SYN2: variants seen among roughly 807,000 people sequenced by gnomAD.
SYN2 encodes synapsin-2.
Under a neutral mutation model 50.9 loss-of-function variants are expected in SYN2, and 19 were observed. The ratio of observed to expected loss-of-function variants is 0.37; its 90% CI spans 0.26 to 0.55. The LOEUF is 0.55. SYN2 is among the 20% of genes least tolerant of loss of function. SYN2 has a pLI of 0.81. For synonymous variants in SYN2, 255 were observed against 224.9 expected, an observed-to-expected ratio of 1.13 and a Z score of -1.20; for missense variants, 587 against 576.4, an observed-to-expected ratio of 1.02 and a Z score of -0.19.
chr3:12,112,825 T>A (rs1345969443), intron 1 of SYN2, among the ~76,000 whole-genome samples: 1 of 152,104 alleles, frequency 6.6e-6, no homozygotes, highest in Non-Finnish European at 1.5e-5. Context: ...TTAAAAAAAA[T>A]AAATACCCCA....
chr3:12,149,118 C>T (rs889173977), intron 4 of SYN2, among the ~76,000 whole-genome samples: 3 of 152,166 alleles, frequency 2.0e-5, no homozygotes, highest in African/African-American at 7.2e-5. Context: ...ATTGTGTTGG[C>T]TGTCCCAGGG....
At chr3:12,189,813 AAAAC>A (rs1479342124) in intron 12 of SYN2, among the ~76,000 whole-genome samples, 152 of 152,294 alleles carry the variant, frequency 1.0e-3, no homozygotes, top group African/African-American at 3.4e-3. Context: ...AAAACAAAAC[AAAAC>A]AAACAAAAAG....
intron 1 of SYN2, among the ~76,000 whole-genome samples, chr3:12,086,886 A>T (rs1695712545): frequency 6.6e-6 from 1 of 152,178 alleles, no homozygotes; most frequent in South Asian, 2.1e-4. Flanking sequence ...AAATAGAAAT[A>T]AAAAGTATCT....
At chr3:12,008,034 C>T (rs1408553183) in intron 1 of SYN2, among the ~76,000 whole-genome samples, 1 of 152,176 alleles carries the variant, frequency 6.6e-6, no homozygotes, top group Non-Finnish European at 1.5e-5. Flanking sequence ...AAAATGTCCT[C>T]TTTTAAGGTT....
intron 1 of SYN2, among the ~76,000 whole-genome samples, chr3:12,098,960 C>G (rs1696008850): frequency 6.7e-6 from 1 of 150,248 alleles, no homozygotes; most frequent in East Asian, 2.0e-4. Context: ...AAATTGCTAC[C>G]AGAGACAAAG....
At chr3:12,079,681 G>A (rs1457341637) in intron 1 of SYN2, among the ~76,000 whole-genome samples, 1 of 152,032 alleles carries the variant, frequency 6.6e-6, no homozygotes, top group Non-Finnish European at 1.5e-5. Flanking sequence ...AAGGTTTTTT[G>A]GTGTGCTGCT....
chr3:12,170,043 TC>T lies in SYN2; in HGVS notation c.1308+139del, dbSNP rs560245720. 7.3e-5 allele frequency: 83 copies of T among 1,140,998 alleles called. No homozygotes were observed. In the East Asian group the frequency reaches 2.1e-3, roughly 29 times the overall value. The allele number at this position is 1,140,998 out of a possible 1,614,324, so 70.7% of individuals were successfully genotyped here. ...GGGATCTAAGGAGACATCTCCCTCT[TC>T]CTTCCCTTCCCTTTACCCTGGAGTC... is the stretch of plus-strand genomic sequence containing the variant. On this transcript the variant is annotated intron_variant, in intron 10 of 12. Transcript: ENST00000621198.
intron 1 of SYN2, among the ~76,000 whole-genome samples, chr3:12,085,586 T>C (rs945741119): frequency 6.6e-6 from 1 of 152,086 alleles, no homozygotes; most frequent in African/African-American, 2.4e-5. Flanking sequence ...GGTATGAAAC[T>C]AGAAATTAAT....
At chr3:12,142,370 A>C (rs1697040275) in intron 3 of SYN2, among the ~76,000 whole-genome samples, 1 of 152,212 alleles carries the variant, frequency 6.6e-6, no homozygotes, top group Non-Finnish European at 1.5e-5. Context: ...ACAGACTTGA[A>C]AATGTCTGAT....
Position 12,190,725 on chromosome 3 carries a change from A to G in SYN2, c.*100A>G. On this transcript the variant is annotated 3_prime_UTR_variant, in exon 13 of 13. Transcript: ENST00000621198. ...TTGGTGGTTATGTCCCATGACCTTG[A>G]CGTGTGTGGTCCCTTCCTCTGCTCT... 6.6e-7 allele frequency: 1 copy of G among 1,519,276 alleles called. No homozygotes were observed. Among genetic ancestry groups the G allele is most frequent in the Admixed American group, 2.3e-5 (1 of 44,180 alleles). The allele number at this position is 1,519,276 out of a possible 1,614,324, so 94.1% of individuals were successfully genotyped here.
rs1399364875 is a variant in SYN2, at chr3:12,158,847, G to A, written c.775-2699G>A. The A allele has an allele frequency of 2.6e-6, 4 of 1,565,674 alleles. No individual in the cohort carries two copies. The Admixed American group carries it at 5.2e-5, about 21-fold the overall frequency. ...GCCGAGGGCTCCCAGGCATGACACT[G>A]CAGATCCGCGACTGAGCCTGTGAGG... On this transcript the variant is annotated intron_variant, in intron 5 of 12. Transcript: ENST00000621198.
At chr3:12,173,797 C>A (rs1697992275) in intron 10 of SYN2, among the ~76,000 whole-genome samples, 1 of 152,084 alleles carries the variant, frequency 6.6e-6, no homozygotes, top group Non-Finnish European at 1.5e-5. Flanking sequence ...GTCTGTAATC[C>A]CAGCTACTTG....
At chr3:12,134,027 T>C (rs145433366) in intron 1 of SYN2, among the ~76,000 whole-genome samples, 450 of 152,268 alleles carry the variant, frequency 3.0e-3, no homozygotes, top group Admixed American at 9.9e-3. Flanking sequence ...AAATAGATAG[T>C]GGTGGTGGTT....
chr3:12,073,258 G>A (rs996540473), intron 1 of SYN2, among the ~76,000 whole-genome samples: 10 of 152,194 alleles, frequency 6.6e-5, no homozygotes, highest in African/African-American at 2.2e-4. Context: ...AATAAATTCT[G>A]GTTTCCTGTA....
At chr3:12,169,712 A>G (rs1346177411) in intron 9 of SYN2, 45 bp from the exon 10 acceptor site, 12 of 1,606,470 alleles carry the variant, frequency 7.5e-6, no homozygotes, top group African/African-American at 1.3e-5. Flanking sequence ...CAGGCCATTT[A>G]TGTTTCCAGA....
intron 1 of SYN2, among the ~76,000 whole-genome samples, chr3:12,111,591 C>T (rs1251603193): frequency 6.6e-6 from 1 of 152,132 alleles, no homozygotes; most frequent in African/African-American, 2.4e-5. Context: ...TTGGAGGAAG[C>T]GTTTTCATCT....
At chr3:12,115,115 AAGAAAACTCCATTG>A (rs1696404832) in intron 1 of SYN2, among the ~76,000 whole-genome samples, 1 of 152,144 alleles carries the variant, frequency 6.6e-6, no homozygotes, top group Admixed American at 6.5e-5. Flanking sequence ...TTTTTGCAGA[AAGAAAACTCCATTG>A]AGAATCAGCA....
At position 12,104,153 on chromosome 3, in the gene SYN2, GAC is replaced by G. The variant is rs1696130968; in HGVS notation, c.378-36496_378-36495del. 2.6e-5 allele frequency among the ~76,000 whole-genome samples: 4 copies of G among 152,072 alleles called. No individual in the cohort carries two copies. The South Asian group carries it at 8.3e-4, about 32-fold the overall frequency. On this transcript the variant is annotated intron_variant, in intron 1 of 12. Transcript: ENST00000621198. The stretch of plus-strand genomic sequence containing the variant: ...AAATTTTATTTATTTATGTTTTAGA[GAC>G]AGAGTCTTACACCATCACCCAAGCT...
At chr3:12,086,062 A>G (rs937069219) in intron 1 of SYN2, among the ~76,000 whole-genome samples, 4 of 152,216 alleles carry the variant, frequency 2.6e-5, no homozygotes, top group African/African-American at 9.6e-5. Flanking sequence ...AGTGGACATT[A>G]TACCTGATAC....
Sources: allele counts gnomAD v4.1 joint callset (sites outside exome capture counted in the v4.1 genomes callset), GRCh38; gene constraint gnomAD v4.1.1; transcripts MANE v1.5; gene names NCBI Gene and HGNC (gene_info 2026-07-23, HGNC 2026-07-21).